Variants in CHODL observed in about 807,000 individuals in gnomAD.
CHODL encodes transmembrane protein MT75.
CHODL carries 29 observed loss-of-function variants against 34.5 expected under a neutral mutation model. The observed-to-expected ratio is 0.84, with a 90% CI of 0.63 to 1.15. CHODL has a LOEUF of 1.15. Among genes scored for constraint, CHODL ranks in the 50% most tolerant of loss-of-function variants. The pLI, the probability that CHODL is intolerant of heterozygous loss-of-function variation, is 0.00. For missense variants in CHODL, 332 were observed against 332.5 expected (o/e 1.00, Z 0.01); for synonymous variants, 125 against 116.1 (o/e 1.08, Z -0.49).
At chr21:18,053,218 G>C (rs1166842406) in intron 2 of CHODL, among the ~76,000 whole-genome samples, 2 of 151,928 alleles carry the variant, frequency 1.3e-5, no homozygotes, top group Non-Finnish European at 2.9e-5. Context: ...AGCTAAAAAT[G>C]TAAGAGGAAA....
intron 2 of CHODL, among the ~76,000 whole-genome samples, chr21:18,225,936 G>A (rs994998022): frequency 1.3e-5 from 2 of 152,074 alleles, no homozygotes; most frequent in Admixed American, 6.6e-5. Flanking sequence ...GGTCTGGGGG[G>A]CCTTTATGCT....
chr21:18,076,646 G>A (rs913465619), intron 2 of CHODL, among the ~76,000 whole-genome samples: 1 of 152,194 alleles, frequency 6.6e-6, no homozygotes, highest in South Asian at 2.1e-4. Flanking sequence ...AAGATTAACT[G>A]ATAGGGAGAT....
intron 2 of CHODL, among the ~76,000 whole-genome samples, chr21:18,070,635 A>G (rs2064792210): frequency 6.6e-6 from 1 of 152,198 alleles, no homozygotes; most frequent in African/African-American, 2.4e-5. Flanking sequence ...CTATAAAAAC[A>G]TCATTGAAAA....
intron 2 of CHODL, among the ~76,000 whole-genome samples, chr21:18,220,845 A>G (rs2207380): frequency 0.077 from 11,653 of 152,092 alleles, 573 homozygotes; most frequent in African/African-American, 0.14. Flanking sequence ...GGTTTTTGAC[A>G]GTTTGACTAT....
At chr21:18,230,114 A>G (rs751642000) in intron 2 of CHODL, among the ~76,000 whole-genome samples, 1 of 152,128 alleles carries the variant, frequency 6.6e-6, no homozygotes, top group Non-Finnish European at 1.5e-5. Flanking sequence ...AAGTTTCTGT[A>G]CTTACCCTGA....
intron 1 of CHODL, among the ~76,000 whole-genome samples, chr21:17,981,478 G>GAGGCCTCCAAGA (rs1337403801): frequency 6.6e-6 from 1 of 152,162 alleles, no homozygotes; most frequent in Non-Finnish European, 1.5e-5. Flanking sequence ...AGTGACAGCT[G>GAGGCCTCCAAGA]AGGCCTCCAA....
At chr21:18,260,351 G>T in intron 4 of CHODL, 65 bp downstream of exon 4, 1 of 1,011,430 alleles carries the variant, frequency 9.9e-7, no homozygotes, top group Middle Eastern at 2.1e-4. Flanking sequence ...GCTGCTTCAT[G>T]TTGACCCCAG....
rs375009119 is a variant in CHODL, at chr21:17,936,515, G to A, written c.-145+19115G>A. On this transcript the variant is annotated intron_variant, in intron 1 of 6. Coordinates refer to the CHODL transcript ENST00000400127. ...AAGAGTCCATTTGGAAAATGTGGTA[G>A]TTTAGAGAAATTTCATAGTACTTAG... Among the ~76,000 whole-genome samples the A allele has an allele frequency of 4.6e-5, 7 of 151,692 alleles. No homozygotes were observed. The South Asian group carries it at 1.3e-3, about 27-fold the overall frequency.
At chr21:17,967,977 G>C (rs1035255264) in intron 1 of CHODL, among the ~76,000 whole-genome samples, 1 of 152,164 alleles carries the variant, frequency 6.6e-6, no homozygotes, top group African/African-American at 2.4e-5. Context: ...TGGAACAATG[G>C]TCTCTATTAA....
At chr21:18,138,149 CTTATCT>C (rs1020216135) in intron 2 of CHODL, among the ~76,000 whole-genome samples, 7 of 143,010 alleles carry the variant, frequency 4.9e-5, no homozygotes, top group African/African-American at 2.0e-4. Flanking sequence ...TATATCCTGA[CTTATCT>C]TTTTTTTTTT....
intron 2 of CHODL, among the ~76,000 whole-genome samples, chr21:18,042,939 C>A (rs1004116962): frequency 6.6e-6 from 1 of 151,584 alleles, no homozygotes; most frequent in Non-Finnish European, 1.5e-5. Flanking sequence ...ATTCAAAATA[C>A]CTTTATGCAA....
Position 18,129,736 on chromosome 21 carries a change from G to A in CHODL, c.-45+101765G>A, listed in dbSNP as rs377324664. Among the ~76,000 whole-genome samples the A allele has an allele frequency of 4.9e-4, 74 of 152,224 alleles. 1 individual carries two copies. In the South Asian group the frequency reaches 0.014, roughly 28 times the overall value. On this transcript the variant is annotated intron_variant, in intron 2 of 6. Coordinates refer to the CHODL transcript ENST00000400127. Reference sequence around the variant, plus strand: ...AATTCTCCCTGTGGACCACTTATCCGGGGGAAATCATATTTGGACAAGTTC... The same window carrying A: ...AATTCTCCCTGTGGACCACTTATCCAGGGGAAATCATATTTGGACAAGTTC...
At chr21:17,995,283 A>C (rs1039861581) in intron 1 of CHODL, among the ~76,000 whole-genome samples, 1 of 152,222 alleles carries the variant, frequency 6.6e-6, no homozygotes, top group East Asian at 1.9e-4. Context: ...GCAACTGTCT[A>C]TATTAGTCTC....
chr21:17,946,856 C>T (rs2146337400), intron 1 of CHODL, among the ~76,000 whole-genome samples: 1 of 152,234 alleles, frequency 6.6e-6, no homozygotes, highest in South Asian at 2.1e-4. Flanking sequence ...TCCATTCAGC[C>T]TTTCAATGTC....
chr21:17,945,077 TGGCAGGTGCCTATAGTCCCAGCTACTC>T (rs2063395295), intron 1 of CHODL, among the ~76,000 whole-genome samples: 1 of 151,918 alleles, frequency 6.6e-6, no homozygotes, highest in African/African-American at 2.4e-5. Context: ...CCGGGCATGG[TGGCAGGTGCCTATAGTCCCAGCTACTC>T]GGGAGGCTGA....
chr21:18,218,972 A>C (rs1034414934), intron 2 of CHODL, among the ~76,000 whole-genome samples: 2 of 152,152 alleles, frequency 1.3e-5, no homozygotes, highest in South Asian at 4.1e-4. Flanking sequence ...CCTAGCCCTC[A>C]AAGTCTCTTA....
intron 2 of CHODL, among the ~76,000 whole-genome samples, chr21:18,207,042 A>C (rs61499899): frequency 0.16 from 24,458 of 151,752 alleles, 2,458 homozygotes; most frequent in African/African-American, 0.28. Flanking sequence ...TCCAGCCCCC[A>C]ACCCCTGACA....
chr21:18,149,214 C>T (rs146329773), intron 2 of CHODL, among the ~76,000 whole-genome samples: 23 of 152,304 alleles, frequency 1.5e-4, no homozygotes, highest in Non-Finnish European at 2.5e-4. Flanking sequence ...TCTTTTAATA[C>T]TATTCCATCT....
chr21:18,198,737 C>T (rs2146704971), intron 2 of CHODL, among the ~76,000 whole-genome samples: 1 of 152,096 alleles, frequency 6.6e-6, no homozygotes, highest in African/African-American at 2.4e-5. Flanking sequence ...ATTTTTACTA[C>T]ATAAACATGG....
Sources: gnomAD v4.1 joint callset for allele counts (sites outside exome capture counted in the v4.1 genomes callset) on GRCh38, gnomAD v4.1.1 for gene constraint, MANE v1.5 for transcripts, NCBI Gene and HGNC (gene_info 2026-07-23, HGNC 2026-07-21) for gene names.